Variants in SETDB2 observed in about 807,000 individuals in gnomAD.
The protein encoded by SETDB2 is histone-lysine N-methyltransferase SETDB2.
In SETDB2, 56 loss-of-function variants were observed where a neutral mutation model predicts 82.5. That is an observed-to-expected ratio of 0.68 (90% CI 0.55 to 0.85). The LOEUF (loss-of-function observed/expected upper bound fraction) is 0.85, where lower values mean the gene tolerates loss of function less well. SETDB2 is among the 40% of genes least tolerant of loss of function. SETDB2 has a pLI of 0.00. For synonymous variants in SETDB2, 272 were observed against 284.9 expected, an observed-to-expected ratio of 0.95 and a Z score of 0.46; for missense variants, 677 against 816.4, an observed-to-expected ratio of 0.83 and a Z score of 2.08.
intron 4 of SETDB2, among the ~76,000 whole-genome samples, chr13:49,463,506 CATG>C (rs1958040646): frequency 1.3e-5 from 2 of 152,296 alleles, no homozygotes; most frequent in South Asian, 4.1e-4. Flanking sequence ...CTTACAGTGG[CATG>C]AAGCGTAGTG....
intron 4 of SETDB2, among the ~76,000 whole-genome samples, chr13:49,466,872 C>A (rs9591263): frequency 7.3e-6 from 1 of 137,700 alleles, no homozygotes; most frequent in Non-Finnish European, 1.5e-5. Context: ...CTCAGGGGGG[C>A]CTTAAACTCC....
chr13:49,476,870 A>G lies in SETDB2; in HGVS notation c.700A>G (p.Ile234Val), dbSNP rs1958376670. The G allele has an allele frequency of 1.2e-6, 2 of 1,614,098 alleles. No homozygotes were observed. The highest frequency in any genetic ancestry group is 1.3e-5 in the African/African-American group (1 of 74,932). The change falls in exon 6 of 14, where the codon ATT becomes GTT. Residue 234 changes from isoleucine to valine, a missense_variant. Coordinates refer to ENST00000611815, the MANE Select transcript of SETDB2 (RefSeq NM_001160308.3). ...AAAAGAAGTTGTTTCTGATGTGGAT[A>G]TTAGCAATGGAGTGGAATCAGTGCC... ...KQKEVVSDVD[I>V]SNGVESVPIS...
At chr13:49,459,960 A>C (rs1957961466) in intron 2 of SETDB2, 147 bp from the exon 3 acceptor site, 1 of 659,156 alleles carries the variant, frequency 1.5e-6, no homozygotes, top group African/African-American at 1.9e-5. Context: ...AGGAAACATT[A>C]CTAAAATATT....
intron 2 of SETDB2, 44 bp from the exon 3 acceptor site, chr13:49,460,063 A>G (rs749433487): frequency 6.3e-7 from 1 of 1,574,818 alleles, no homozygotes; most frequent in Non-Finnish European, 8.6e-7. Context: ...AAATTATAGT[A>G]TTTTTCTATT....
chr13:49,485,821 C>A, intron 11 of SETDB2, 98 bp downstream of exon 11: 1 of 1,039,694 alleles, frequency 9.6e-7, no homozygotes. Flanking sequence ...CCATAATAAA[C>A]ATGCTGCATT....
chr13:49,449,668 G>C (rs895053367), intron 1 of SETDB2, among the ~76,000 whole-genome samples: 1 of 152,064 alleles, frequency 6.6e-6, no homozygotes, highest in African/African-American at 2.4e-5. Flanking sequence ...CCCCTGTAAA[G>C]AAGAAGTTAG....
intron 1 of SETDB2, among the ~76,000 whole-genome samples, chr13:49,450,016 T>G (rs1957758444): frequency 6.6e-6 from 1 of 152,210 alleles, no homozygotes; most frequent in Non-Finnish European, 1.5e-5. Flanking sequence ...TGACTTTGCT[T>G]TAACATTTTG....
At chr13:49,482,237 A>G in intron 8 of SETDB2, 1 of 985,426 alleles carries the variant, frequency 1.0e-6, no homozygotes, top group Non-Finnish European at 1.2e-6. Flanking sequence ...GGCAACTATA[A>G]TATTGAATCC....
At position 49,483,519 on chromosome 13, in the gene SETDB2, C is replaced by A; in HGVS notation, c.1438C>A (p.Pro480Thr). Reference sequence around the variant, plus strand: ...TCAATATCATTCAGTTATTAGAGATCCTGAATCCAAGACAGCCATTTTTCA... The same window carrying A: ...TCAATATCATTCAGTTATTAGAGATACTGAATCCAAGACAGCCATTTTTCA... ...RIQYHSVIRD[P>T]ESKTAIFQHN... The change falls in exon 10 of 14, where the codon CCT (proline) becomes ACT (threonine). Residue 480 changes from proline (P) to threonine (T), a missense_variant. Pro to Thr is a conservative substitution (Grantham distance 38). Around this residue, in one of 3 missense-constraint regions of SETDB2, gnomAD observed 420 missense variants for 554.6 expected, o/e 0.76. Coordinates refer to ENST00000611815, the MANE Select transcript of SETDB2 (RefSeq NM_001160308.3). 1 of 1,502,620 alleles carries A rather than the reference C, an allele frequency of 6.7e-7. No homozygotes were observed. The highest frequency in any genetic ancestry group is 9.0e-7 in the Non-Finnish European group (1 of 1,115,254). 93.1% of individuals were successfully genotyped at this position (1,502,620 alleles called of 1,614,324 possible).
Position 49,491,841 on chromosome 13 carries a change from ATAT to A in SETDB2, c.2120_2122del (p.Leu707del). On this transcript the variant is annotated inframe_deletion, in exon 14 of 14. Coordinates refer to ENST00000611815, the MANE Select transcript of SETDB2 (RefSeq NM_001160308.3). ...TGGGGTTAATAAATGTAGAAAAAAAATATTATAAATATGTAACTAACGCCTGTT... is the reference window on the plus strand; with the variant it reads ...TGGGGTTAATAAATGTAGAAAAAAAATATAAATATGTAACTAACGCCTGTT... 5 of 1,592,300 alleles carry A rather than the reference ATAT, an allele frequency of 3.1e-6. No individual in the cohort carries two copies. The highest frequency in any genetic ancestry group is 4.3e-6 in the Non-Finnish European group (5 of 1,160,726).
At chr13:49,476,032 C>T (rs1031815612) in intron 5 of SETDB2, among the ~76,000 whole-genome samples, 5 of 152,052 alleles carry the variant, frequency 3.3e-5, no homozygotes, top group Admixed American at 3.3e-4. Flanking sequence ...TTCTTCAGTG[C>T]TTTATTGATT....
At position 49,461,925 on chromosome 13, in the gene SETDB2, G is replaced by T. The variant is rs374626689; in HGVS notation, c.208+763G>T. Among the ~76,000 whole-genome samples the T allele has an allele frequency of 1.5e-3, 222 of 152,270 alleles. 2 individuals are homozygous for T. Among genetic ancestry groups the T allele is most frequent in the African/African-American group, 5.1e-3 (211 of 41,552 alleles). ...GCTATAATGGCTTATAGAACTCACA[G>T]AAGTATTTACTATTACCAGTTTATT... is the stretch of plus-strand genomic sequence containing the variant. On this transcript the variant is annotated intron_variant, in intron 4 of 13. Coordinates refer to ENST00000611815, the MANE Select transcript of SETDB2 (RefSeq NM_001160308.3).
At chr13:49,472,471 G>A (rs980832943) in intron 5 of SETDB2, among the ~76,000 whole-genome samples, 7 of 152,128 alleles carry the variant, frequency 4.6e-5, no homozygotes, top group Admixed American at 2.0e-4. Context: ...CCAGACAGCC[G>A]TGGACTTCTC....
In SETDB2 at chr13:49,481,017, C is replaced by T; in HGVS notation, c.1057C>T (p.Pro353Ser). ...LCQNRVVQHG[P>S]QVRLQVFKTE... ...TCAAAACCGAGTTGTCCAACATGGTCCTCAAGTGAGGTTACAGGTGTTCAA... is the reference window on the plus strand; with the variant it reads ...TCAAAACCGAGTTGTCCAACATGGTTCTCAAGTGAGGTTACAGGTGTTCAA... Residue 353 changes from proline (P) to serine (S), a missense_variant, in exon 8 of 14, where the codon CCT becomes TCT. Physicochemically the swap from Pro to Ser is moderately conservative, Grantham distance 74. This residue lies in a region of SETDB2 where 420 missense variants were observed against 554.6 expected (regional missense o/e 0.76). Coordinates refer to ENST00000611815, the MANE Select transcript of SETDB2 (RefSeq NM_001160308.3). 1.2e-6 allele frequency: 2 copies of T among 1,614,148 alleles called. No individual in the cohort carries two copies. Among genetic ancestry groups the T allele is most frequent in the Non-Finnish European group, 1.7e-6 (2 of 1,179,992 alleles).
rs201758408 is a variant in SETDB2 at position 49,446,059 on chromosome 13, T to TA, written c.-342+1211dup. On this transcript the variant is annotated intron_variant, in intron 1 of 13. Coordinates refer to ENST00000611815, the MANE Select transcript of SETDB2 (RefSeq NM_001160308.3). ...ACCTGGGCAACATAGACCTCATGTC[T>TA]AAAAAAAAATAAAACTATTACTGAG... 915 of 237,266 alleles carry TA rather than the reference T, an allele frequency of 3.9e-3. 4 individuals carry two copies. The highest frequency in any genetic ancestry group is 5.9e-3 in the Non-Finnish European group (713 of 120,118). 14.7% of individuals were successfully genotyped at this position (237,266 alleles called of 1,614,324 possible).
chr13:49,488,687 TAAC>T (rs1958643012), intron 12 of SETDB2, 57 bp downstream of exon 12: 1 of 1,371,952 alleles, frequency 7.3e-7, no homozygotes, highest in South Asian at 1.4e-5. Flanking sequence ...CTATGCTACT[TAAC>T]AAAATTATGA....
chr13:49,447,132 G>A (rs1957706045), intron 1 of SETDB2, among the ~76,000 whole-genome samples: 1 of 151,962 alleles, frequency 6.6e-6, no homozygotes, highest in South Asian at 2.1e-4. Context: ...TATTATGTTT[G>A]TTAACCTATA....
In SETDB2 at chr13:49,477,006, A is replaced by AT; in HGVS notation, c.838dup (p.Ser280PhefsTer3). On this transcript the variant is annotated frameshift_variant, in exon 6 of 14. Coordinates refer to ENST00000611815, the MANE Select transcript of SETDB2 (RefSeq NM_001160308.3). LOFTEE classifies it high-confidence loss of function. ...ACCAACTTTTCCAGCATGTTTACTGATTCCTGTGACTGCTCTGAGGGCTGC... is the reference window on the plus strand; with the variant it reads ...ACCAACTTTTCCAGCATGTTTACTGATTTCCTGTGACTGCTCTGAGGGCTGC... The AT allele has an allele frequency of 4.3e-6, 7 of 1,609,524 alleles. No homozygotes were observed. Among genetic ancestry groups the AT allele is most frequent in the Non-Finnish European group, 5.9e-6 (7 of 1,179,176 alleles).
At position 49,451,874 on chromosome 13, in the gene SETDB2, T is replaced by G. The variant is rs144411058; in HGVS notation, c.-20T>G. 1.4e-4 allele frequency: 229 copies of G among 1,590,424 alleles called. No individual in the cohort carries two copies. The African/African-American group carries it at 2.7e-3, about 19-fold the overall frequency. ...AAACCTAATTTTGAAGCATTTTATA[T>G]TTATAAGCGACATCAAAAGATGGGA... On this transcript the variant is annotated 5_prime_UTR_variant, in exon 2 of 14. Transcript: ENST00000611815.
Sources: allele counts gnomAD v4.1 joint callset (sites outside exome capture counted in the v4.1 genomes callset), GRCh38; gene constraint gnomAD v4.1.1; regional missense constraint gnomAD v4.1.1; transcripts MANE v1.5; gene names NCBI Gene and HGNC (gene_info 2026-07-23, HGNC 2026-07-21).